The following GPC5 variants were observed in gnomAD, a reference collection of about 807,000 sequenced individuals.
GPC5 encodes the protein glypican-5.
GPC5 carries 47 observed loss-of-function variants against 53.9 expected under a neutral mutation model. The observed-to-expected ratio is 0.87, with a 90% CI of 0.69 to 1.11. The LOEUF is 1.11. Among genes scored for constraint, GPC5 ranks in the 50% most tolerant of loss-of-function variants. The pLI is 0.00. For synonymous variants in GPC5, 286 were observed against 263.3 expected, an observed-to-expected ratio of 1.09 and a Z score of -0.84; for missense variants, 748 against 713.1, an observed-to-expected ratio of 1.05 and a Z score of -0.56.
intron 7 of GPC5, among the ~76,000 whole-genome samples, chr13:92,280,795 C>G (rs1228629994): frequency 6.6e-6 from 1 of 152,122 alleles, no homozygotes; most frequent in Non-Finnish European, 1.5e-5. Context: ...ATAGGAACAG[C>G]TCCAGTCTAT....
chr13:91,823,419 C>A (rs1433037367), intron 5 of GPC5, among the ~76,000 whole-genome samples: 4 of 151,978 alleles, frequency 2.6e-5, no homozygotes, highest in South Asian at 4.1e-4. Flanking sequence ...GATCAACAGA[C>A]TCCTCATGAC....
chr13:92,180,442 C>G (rs2042138604), intron 7 of GPC5, among the ~76,000 whole-genome samples: 1 of 152,170 alleles, frequency 6.6e-6, no homozygotes. Context: ...AAATAAAGAG[C>G]AGAAGTAAAT....
At chr13:92,027,042 T>C (rs191049939) in intron 6 of GPC5, among the ~76,000 whole-genome samples, 22 of 152,332 alleles carry the variant, frequency 1.4e-4, no homozygotes, top group Middle Eastern at 3.4e-3. Context: ...CTAAGCAAAA[T>C]TGACTAGATT....
intron 7 of GPC5, among the ~76,000 whole-genome samples, chr13:92,280,984 A>T (rs942148656): frequency 7.9e-5 from 12 of 152,206 alleles, no homozygotes; most frequent in African/African-American, 2.9e-4. Flanking sequence ...GGGTCAGGGA[A>T]TTCCCTTTCC....
chr13:91,986,060 A>ATTT (rs2040404162), intron 6 of GPC5, among the ~76,000 whole-genome samples: 36 of 94,854 alleles, frequency 3.8e-4, no homozygotes, highest in South Asian at 8.2e-4. Context: ...CTTAGCCAAT[A>ATTT]CTTTTTTTTT....
intron 3 of GPC5, among the ~76,000 whole-genome samples, chr13:91,694,809 A>G (rs1464382092): frequency 6.6e-6 from 1 of 152,242 alleles, no homozygotes; most frequent in Non-Finnish European, 1.5e-5. Context: ...GAGTTTCTCC[A>G]TGTTGGTCAG....
intron 7 of GPC5, among the ~76,000 whole-genome samples, chr13:92,571,060 G>A (rs1594313270): frequency 6.6e-6 from 1 of 152,176 alleles, no homozygotes; most frequent in East Asian, 1.9e-4. Flanking sequence ...CATAGTTGGG[G>A]AGACATCCTT....
At chr13:91,900,223 T>C (rs2039484183) in intron 5 of GPC5, among the ~76,000 whole-genome samples, 1 of 152,136 alleles carries the variant, frequency 6.6e-6, no homozygotes. Context: ...TAATGAAAAG[T>C]TGGTTAAATA....
At chr13:91,887,184 C>T (rs941474410) in intron 5 of GPC5, among the ~76,000 whole-genome samples, 1 of 152,182 alleles carries the variant, frequency 6.6e-6, no homozygotes, top group African/African-American at 2.4e-5. Flanking sequence ...GGCTCAACAT[C>T]ATGTGGAAAC....
chr13:91,583,113 A>T (rs1407938980), intron 2 of GPC5, among the ~76,000 whole-genome samples: 2 of 152,222 alleles, frequency 1.3e-5, no homozygotes, highest in Non-Finnish European at 2.9e-5. Context: ...CAAACATTAT[A>T]CTTAATAATA....
At chr13:92,766,947 C>T (rs1038442660) in intron 7 of GPC5, among the ~76,000 whole-genome samples, 4 of 152,104 alleles carry the variant, frequency 2.6e-5, no homozygotes, top group Admixed American at 1.3e-4. Flanking sequence ...ATGTTCCATG[C>T]TATGTGAAAG....
Position 92,531,552 on chromosome 13 carries a change from C to G in GPC5, c.1562-334730C>G, listed in dbSNP as rs371506599. Among the ~76,000 whole-genome samples, 76 of 152,004 alleles carry G rather than the reference C, an allele frequency of 5.0e-4. No homozygotes were observed. In the South Asian group the frequency reaches 5.6e-3, roughly 11 times the overall value. On this transcript the variant is annotated intron_variant, in intron 7 of 7. Transcript: ENST00000377067. ...ATCTTTTTATATATAAAGATACATA[C>G]AGTATGTGTCTGTATAAACAGATTA...
At chr13:91,514,014 T>C (rs1885369697) in intron 2 of GPC5, among the ~76,000 whole-genome samples, 1 of 152,240 alleles carries the variant, frequency 6.6e-6, no homozygotes, top group Admixed American at 6.5e-5. Context: ...TTATATTGCA[T>C]AGATACATCA....
At chr13:92,095,505 TC>T (rs1263528762) in intron 6 of GPC5, among the ~76,000 whole-genome samples, 7 of 151,560 alleles carry the variant, frequency 4.6e-5, no homozygotes, top group Non-Finnish European at 8.8e-5. Flanking sequence ...ACGCCACCAC[TC>T]CTGGCTAATT....
At chr13:92,605,817 C>G (rs529265503) in intron 7 of GPC5, among the ~76,000 whole-genome samples, 1 of 150,930 alleles carries the variant, frequency 6.6e-6, no homozygotes, top group Non-Finnish European at 1.5e-5. Flanking sequence ...AAAAGTTTGC[C>G]TGGATTTTTT....
At chr13:91,940,412 G>C (rs2039915473) in intron 6 of GPC5, among the ~76,000 whole-genome samples, 1 of 152,108 alleles carries the variant, frequency 6.6e-6, no homozygotes, top group African/African-American at 2.4e-5. Flanking sequence ...CATCTAGGTT[G>C]ATTTAATGTC....
At chr13:92,766,601 G>A (rs920294652) in intron 7 of GPC5, among the ~76,000 whole-genome samples, 3 of 152,156 alleles carry the variant, frequency 2.0e-5, no homozygotes, top group African/African-American at 7.2e-5. Context: ...CAGAAACTTT[G>A]TATCCCAGGC....
chr13:91,981,711 T>C (rs888300314), intron 6 of GPC5, among the ~76,000 whole-genome samples: 2 of 152,180 alleles, frequency 1.3e-5, no homozygotes, highest in African/African-American at 4.8e-5. Context: ...AGAAGACAAA[T>C]TGATTAAAAT....
At chr13:92,802,973 A>C (rs573762328) in intron 7 of GPC5, among the ~76,000 whole-genome samples, 1 of 152,050 alleles carries the variant, frequency 6.6e-6, no homozygotes, top group East Asian at 1.9e-4. Context: ...AGGTATTTGG[A>C]ACCTGAAGCT....
Sources: gnomAD v4.1 joint callset for allele counts (sites outside exome capture counted in the v4.1 genomes callset) on GRCh38, gnomAD v4.1.1 for gene constraint, MANE v1.5 for transcripts, NCBI Gene and HGNC (gene_info 2026-07-23, HGNC 2026-07-21) for gene names.